SNX31: variants seen among roughly 807,000 people sequenced by gnomAD.
SNX31 encodes the protein sorting nexin 31, also known as sorting nexin-31.
SNX31 carries 58 observed loss-of-function variants against 65.4 expected under a neutral mutation model. The ratio of observed to expected loss-of-function variants is 0.89; its 90% CI spans 0.72 to 1.10. SNX31 has a LOEUF of 1.10. Ranked by LOEUF, SNX31 falls within the 50% of genes least tolerant of loss-of-function variation. SNX31 has a pLI of 0.00. For missense variants in SNX31, 523 were observed against 529.7 expected (o/e 0.99, Z 0.12); for synonymous variants, 181 against 190.1 (o/e 0.95, Z 0.39).
At chr8:100,636,156 G>A (rs1818759761) in intron 2 of SNX31, 145 bp from the exon 3 acceptor site, 6 of 589,684 alleles carry the variant, frequency 1.0e-5, no homozygotes, top group Non-Finnish European at 1.8e-5. Flanking sequence ...GGGAAAAGAG[G>A]ACAATCTGAT....
intron 3 of SNX31, among the ~76,000 whole-genome samples, chr8:100,634,985 C>T (rs1818657431): frequency 1.3e-5 from 1 of 78,300 alleles, no homozygotes; most frequent in African/African-American, 9.6e-5. Context: ...ATTGCTTGAC[C>T]CCCCAGGAGA....
chr8:100,661,009 T>A (rs533982677), intron 1 of SNX31, among the ~76,000 whole-genome samples: 29 of 148,300 alleles, frequency 2.0e-4, no homozygotes, highest in East Asian at 9.8e-4. Context: ...AGGTCGATAT[T>A]TTTTTTTTTT....
At chr8:100,634,352 C>T (rs182323782) in intron 3 of SNX31, among the ~76,000 whole-genome samples, 200 of 152,250 alleles carry the variant, frequency 1.3e-3, no homozygotes, top group African/African-American at 4.5e-3. Flanking sequence ...CAAGGGCTTT[C>T]CTGTAAGTGG....
intron 13 of SNX31, 55 bp from the exon 14 acceptor site, chr8:100,574,015 A>C: frequency 8.4e-6 from 9 of 1,074,194 alleles, no homozygotes; most frequent in Non-Finnish European, 1.2e-5. Flanking sequence ...CATTTCCATA[A>C]CAATAACAAA....
At chr8:100,654,575 T>C (rs1411879336), upstream of SNX31, among the ~76,000 whole-genome samples, 1 of 152,156 alleles carries the variant, frequency 6.6e-6, no homozygotes, top group East Asian at 1.9e-4. Context: ...TCTATGGAAA[T>C]GAAACTGCTG....
chr8:100,629,908 CCTGCT>C lies in SNX31; in HGVS notation c.321+414_321+418del, dbSNP rs1818302716. Among the ~76,000 whole-genome samples, 4 of 152,324 alleles carry C rather than the reference CCTGCT, an allele frequency of 2.6e-5. No homozygotes were observed. The South Asian group carries it at 8.3e-4, about 32-fold the overall frequency. On this transcript the variant is annotated intron_variant, in intron 4 of 13. Coordinates refer to ENST00000311812, the MANE Select transcript of SNX31 (RefSeq NM_152628.4). This position sits in a 1 kb window ranked among gnomAD's most constrained non-coding sequence, Gnocchi z 5.1. ...AATATACAAGGAATAGCCAGCATGG[CCTGCT>C]TTCCTGATGTCTTCACTGTGGCCCA...
rs976754620 is a variant in SNX31, at chr8:100,594,138, A to T, written c.978+2501T>A. Among the ~76,000 whole-genome samples the T allele has an allele frequency of 1.3e-5, 2 of 152,148 alleles. No homozygotes were observed. The highest frequency in any genetic ancestry group is 4.8e-5 in the African/African-American group (2 of 41,526). The stretch of plus-strand genomic sequence containing the variant: ...GACAACGTGGTGAAACCTCATCTCT[A>T]CTAAAAATACAAAAAATTAGCCCTG... On this transcript the variant is annotated intron_variant, in intron 10 of 13. Transcript: ENST00000311812. This position sits in a 1 kb window ranked among gnomAD's most constrained non-coding sequence, Gnocchi z 4.0.
At position 100,576,185 on chromosome 8, in the gene SNX31, T is replaced by A. The variant is rs571860271; in HGVS notation, c.1227+834A>T. On this transcript the variant is annotated intron_variant, in intron 13 of 13. Transcript: ENST00000311812. The surrounding 1 kb of genome is among the most constrained non-coding windows in gnomAD (Gnocchi z 4.8). ...GCTAGTTTATTTTCCCTGACTGTAT[T>A]CATTCAAGAAAGGACTTTATATACT... Among the ~76,000 whole-genome samples the A allele has an allele frequency of 5.3e-5, 8 of 152,324 alleles. No individual in the cohort carries two copies. The East Asian group carries it at 1.5e-3, about 29-fold the overall frequency.
Position 100,596,628 on chromosome 8 carries a change from A to C in SNX31, c.978+11T>G. ...TAAGTCATGGGCAAAGCAAGGTGCC[A>C]AGATACTCACAAGGAAAGTGACCTG... On this transcript the variant is annotated intron_variant, in intron 10 of 13. Transcript: ENST00000311812. 6.2e-7 allele frequency: 1 copy of C among 1,612,948 alleles called. No homozygotes were observed. Among genetic ancestry groups the C allele is most frequent in the Non-Finnish European group, 8.5e-7 (1 of 1,178,910 alleles).
At chr8:100,577,856 C>T (rs1039403461) in intron 12 of SNX31, among the ~76,000 whole-genome samples, 31 of 152,156 alleles carry the variant, frequency 2.0e-4, no homozygotes, top group African/African-American at 7.2e-4. Flanking sequence ...GAGAAATAAA[C>T]ACCCTACTCT....
rs375170254 is a variant in SNX31, at chr8:100,608,693, C to T, written c.612-130G>A. The T allele has an allele frequency of 1.8e-4, 136 of 748,062 alleles. No homozygotes were observed. In the African/African-American group the frequency reaches 2.1e-3, roughly 11 times the overall value. The allele number at this position is 748,062 out of a possible 1,614,324, so 46.3% of individuals were successfully genotyped here. On this transcript the variant is annotated intron_variant, in intron 7 of 13. Transcript: ENST00000311812. Reference sequence around the variant, plus strand: ...CCCTTTTCCAACAAAGCCACACCTCCACTTGCCCAGCTTTCACTCTGCCCC... The same window carrying T: ...CCCTTTTCCAACAAAGCCACACCTCTACTTGCCCAGCTTTCACTCTGCCCC...
rs368657916 is a variant in SNX31 at position 100,633,594 on chromosome 8, G to A, written c.256+2303C>T. ...AATTTTTTGTCTGTTTAGTAGAGAC[G>A]GGGTTTTGCCATGTAGGCCGGGCTG... On this transcript the variant is annotated intron_variant, in intron 3 of 13. Transcript: ENST00000311812. Among the ~76,000 whole-genome samples the A allele has an allele frequency of 1.2e-4, 19 of 152,108 alleles. No individual in the cohort carries two copies. In the South Asian group the frequency reaches 3.1e-3, roughly 25 times the overall value.
At chr8:100,585,067 A>T (rs939423305) in intron 11 of SNX31, among the ~76,000 whole-genome samples, 1 of 151,696 alleles carries the variant, frequency 6.6e-6, no homozygotes, top group Admixed American at 6.6e-5. Context: ...CATGTTCTAG[A>T]CTCATAGTCA....
intron 4 of SNX31, among the ~76,000 whole-genome samples, chr8:100,628,183 G>A (rs1018738402): frequency 3.9e-5 from 6 of 152,266 alleles, no homozygotes; most frequent in East Asian, 3.9e-4. Context: ...TCAGTGTGGC[G>A]ATTCCTCAGG....
intron 12 of SNX31, among the ~76,000 whole-genome samples, 167 bp downstream of exon 12, chr8:100,583,944 G>A (rs1029515592): frequency 6.6e-6 from 1 of 152,164 alleles, no homozygotes; most frequent in African/African-American, 2.4e-5. Context: ...CTGCCATCCT[G>A]ACCACTGAGC....
At position 100,612,210 on chromosome 8, in the gene SNX31, C is replaced by A; in HGVS notation, c.524-123G>T. The A allele has an allele frequency of 1.6e-6, 1 of 626,474 alleles. No homozygotes were observed. The highest frequency in any genetic ancestry group is 2.8e-6 in the Non-Finnish European group (1 of 356,938). 38.8% of individuals were successfully genotyped at this position (626,474 alleles called of 1,614,324 possible). On this transcript the variant is annotated intron_variant, in intron 6 of 13. Coordinates refer to ENST00000311812, the MANE Select transcript of SNX31 (RefSeq NM_152628.4). This position sits in a 1 kb window ranked among gnomAD's most constrained non-coding sequence, Gnocchi z 4.3. ...ATAATAAAATCACAGTAAGAATATC[C>A]TCTGTATTTACACGTAATTTTAACT...
intron 4 of SNX31, among the ~76,000 whole-genome samples, chr8:100,618,923 T>C (rs1472455675): frequency 1.3e-5 from 2 of 151,950 alleles, no homozygotes; most frequent in African/African-American, 4.9e-5. Flanking sequence ...TAGGGGTTTC[T>C]TATGGAGGTC....
At chr8:100,661,597 T>C (rs1034883048) in intron 1 of SNX31, among the ~76,000 whole-genome samples, 13 of 152,188 alleles carry the variant, frequency 8.5e-5, no homozygotes, top group African/African-American at 2.9e-4. Context: ...GGAAGGATTA[T>C]GGTTCACTGC....
In SNX31 at chr8:100,622,515, G is replaced by A. The variant is rs1817765340; in HGVS notation, c.322-4785C>T. On this transcript the variant is annotated intron_variant, in intron 4 of 13. Coordinates refer to ENST00000311812, the MANE Select transcript of SNX31 (RefSeq NM_152628.4). The surrounding 1 kb of genome is among the most constrained non-coding windows in gnomAD (Gnocchi z 5.0). The stretch of plus-strand genomic sequence containing the variant: ...AAAATACAGAAATTAGCTGGGCGTG[G>A]TGGCACATGCCTGTAATCTCAGCTA... 6.6e-6 allele frequency among the ~76,000 whole-genome samples: 1 copy of A among 152,064 alleles called. No individual in the cohort carries two copies. Among genetic ancestry groups the A allele is most frequent in the African/African-American group, 2.4e-5 (1 of 41,412 alleles).
Sources: gnomAD v4.1 joint callset for allele counts (sites outside exome capture counted in the v4.1 genomes callset) on GRCh38, gnomAD v4.1.1 for gene constraint, Gnocchi (gnomAD v3.1) non-coding constraint, MANE v1.5 for transcripts, NCBI Gene and HGNC (gene_info 2026-07-23, HGNC 2026-07-21) for gene names.